ASTN2: variants seen among roughly 807,000 people sequenced by gnomAD.
ASTN2 encodes astrotactin-2.
Under a neutral mutation model 139.8 loss-of-function variants are expected in ASTN2, and 54 were observed. The ratio of observed to expected loss-of-function variants is 0.39; its 90% CI spans 0.31 to 0.48. The LOEUF is 0.48. Among genes scored for constraint, ASTN2 ranks in the 20% least tolerant of loss-of-function variants. ASTN2 has a pLI of 0.95. For missense variants in ASTN2, 1,565 were observed against 1,725.1 expected, an observed-to-expected ratio of 0.91 and a Z score of 1.64; for synonymous variants, 756 against 719.5, an observed-to-expected ratio of 1.05 and a Z score of -0.81.
chr9:117,023,906 T>A (rs1392837926), intron 6 of ASTN2, among the ~76,000 whole-genome samples: 1 of 152,080 alleles, frequency 6.6e-6, no homozygotes, highest in East Asian at 1.9e-4. Context: ...GTCCTCACAC[T>A]GTGTTTGGAA....
At chr9:117,018,964 A>G (rs1837796232) in intron 6 of ASTN2, among the ~76,000 whole-genome samples, 1 of 152,134 alleles carries the variant, frequency 6.6e-6, no homozygotes, top group African/African-American at 2.4e-5. Flanking sequence ...CAAAATTAGA[A>G]TGCAGGCTAC....
At chr9:117,057,653 G>A (rs1289677415) in intron 5 of ASTN2, among the ~76,000 whole-genome samples, 1 of 152,182 alleles carries the variant, frequency 6.6e-6, no homozygotes, top group Non-Finnish European at 1.5e-5. Context: ...AGAAGTAACA[G>A]CAGCCCTGGG....
intron 5 of ASTN2, among the ~76,000 whole-genome samples, chr9:117,045,554 CTTAA>C (rs1838709545): frequency 6.6e-6 from 1 of 152,146 alleles, no homozygotes; most frequent in Admixed American, 6.5e-5. Context: ...AAATGCATTG[CTTAA>C]GAAATTCGAC....
At chr9:116,708,787 C>A (rs551369245) in intron 16 of ASTN2, among the ~76,000 whole-genome samples, 1 of 152,308 alleles carries the variant, frequency 6.6e-6, no homozygotes, top group South Asian at 2.1e-4. Context: ...ATTTTGAGTT[C>A]TGGAGACAGC....
intron 13 of ASTN2, among the ~76,000 whole-genome samples, chr9:116,768,677 C>T (rs924652093): frequency 6.6e-6 from 1 of 152,114 alleles, no homozygotes; most frequent in African/African-American, 2.4e-5. Context: ...GGGTTTAGTG[C>T]CCTGAGAGAC....
chr9:116,780,845 T>C (rs1830200371), intron 13 of ASTN2, among the ~76,000 whole-genome samples: 1 of 150,544 alleles, frequency 6.6e-6, no homozygotes, highest in African/African-American at 2.4e-5. Flanking sequence ...GTCAAATTCT[T>C]TTTTTTTTTT....
At chr9:116,942,744 G>A (rs1835276196) in intron 10 of ASTN2, among the ~76,000 whole-genome samples, 1 of 152,180 alleles carries the variant, frequency 6.6e-6, no homozygotes. Context: ...ATTTCTAGAT[G>A]ACTTTCAGAT....
intron 11 of ASTN2, among the ~76,000 whole-genome samples, chr9:116,834,320 G>T (rs1197863083): frequency 1.3e-5 from 2 of 152,070 alleles, no homozygotes; most frequent in South Asian, 2.1e-4. Context: ...TTTGTTGATG[G>T]TGTTATTGAG....
intron 16 of ASTN2, among the ~76,000 whole-genome samples, chr9:116,678,939 T>G (rs1249483664): frequency 6.6e-6 from 1 of 152,198 alleles, no homozygotes; most frequent in Non-Finnish European, 1.5e-5. Flanking sequence ...ACATGAAATT[T>G]GGTTTTCTCT....
chr9:117,263,876 C>A (rs1833881673), intron 2 of ASTN2, among the ~76,000 whole-genome samples: 2 of 152,022 alleles, frequency 1.3e-5, no homozygotes, highest in Non-Finnish European at 2.9e-5. Context: ...TTGATGAAAT[C>A]TAAATTGAGG....
At chr9:116,943,637 T>G (rs1356839701) in intron 10 of ASTN2, among the ~76,000 whole-genome samples, 1 of 152,174 alleles carries the variant, frequency 6.6e-6, no homozygotes, top group Non-Finnish European at 1.5e-5. Context: ...CAGATCAAAA[T>G]CATCACGGCT....
At chr9:116,684,337 T>C (rs1179696360) in intron 16 of ASTN2, among the ~76,000 whole-genome samples, 1 of 152,206 alleles carries the variant, frequency 6.6e-6, no homozygotes, top group African/African-American at 2.4e-5. Context: ...ATGATTTGTT[T>C]TTAATAAAAA....
intron 1 of ASTN2, among the ~76,000 whole-genome samples, chr9:117,310,389 T>C (rs7853943): frequency 0.3 from 45,368 of 152,006 alleles, 7,784 homozygotes; most frequent in East Asian, 0.44. Flanking sequence ...TCTTGAGGTC[T>C]TTCCCACCTC....
chr9:117,109,710 C>A (rs1384100863), intron 4 of ASTN2, among the ~76,000 whole-genome samples: 1 of 152,120 alleles, frequency 6.6e-6, no homozygotes. Context: ...TCCAATAGGA[C>A]AACTATTTTC....
intron 6 of ASTN2, among the ~76,000 whole-genome samples, chr9:117,031,767 A>G (rs141997556): frequency 6.2e-4 from 94 of 152,212 alleles, no homozygotes; most frequent in African/African-American, 2.1e-3. Context: ...CAACAGAGAA[A>G]TTTAAGAGCC....
chr9:116,460,777 T>C (rs1026562688), intron 20 of ASTN2, among the ~76,000 whole-genome samples: 6 of 152,160 alleles, frequency 3.9e-5, no homozygotes, highest in African/African-American at 1.4e-4. Context: ...GGGTGAGTAC[T>C]TGGTCTCCTC....
At chr9:116,860,680 T>C (rs1344057728) in intron 11 of ASTN2, among the ~76,000 whole-genome samples, 1 of 152,186 alleles carries the variant, frequency 6.6e-6, no homozygotes, top group African/African-American at 2.4e-5. Context: ...GGACTGATAG[T>C]GAGACATGGT....
intron 11 of ASTN2, among the ~76,000 whole-genome samples, chr9:116,834,978 A>T (rs1427906504): frequency 6.6e-6 from 1 of 152,178 alleles, no homozygotes; most frequent in Non-Finnish European, 1.5e-5. Context: ...GAGCCTAAGA[A>T]GTCGAGGCTG....
chr9:116,542,722 A>C (rs1275872651), intron 19 of ASTN2, among the ~76,000 whole-genome samples: 1 of 152,140 alleles, frequency 6.6e-6, no homozygotes, highest in Non-Finnish European at 1.5e-5. Flanking sequence ...CAGGAGTTCA[A>C]GACCAGCCTG....
Sources: gnomAD v4.1 joint callset for allele counts (sites outside exome capture counted in the v4.1 genomes callset) on GRCh38, gnomAD v4.1.1 for gene constraint, MANE v1.5 for transcripts, NCBI Gene and HGNC (gene_info 2026-07-23, HGNC 2026-07-21) for gene names.